PTPRR: variants seen among roughly 807,000 people sequenced by gnomAD.
The protein encoded by PTPRR is protein tyrosine phosphatase receptor type R.
PTPRR carries 38 observed loss-of-function variants against 77.2 expected under a neutral mutation model. That is an observed-to-expected ratio of 0.49 (90% CI 0.38 to 0.65). PTPRR has a LOEUF of 0.65. Ranked by LOEUF, PTPRR falls within the 30% of genes least tolerant of loss-of-function variation. The probability of loss-of-function intolerance (pLI) is 0.00; values close to 1 mark genes in which losing one functional copy is unlikely to be tolerated. For synonymous variants in PTPRR, 299 were observed against 283.1 expected (o/e 1.06, Z -0.57); for missense variants, 744 against 799.2 (o/e 0.93, Z 0.83).
intron 2 of PTPRR, among the ~76,000 whole-genome samples, chr12:70,888,811 C>G (rs1157501770): frequency 6.6e-6 from 1 of 151,986 alleles, no homozygotes; most frequent in Non-Finnish European, 1.5e-5. Flanking sequence ...TCAACACAGA[C>G]CTATTGTCCC....
At chr12:70,691,408 A>T (rs1888052417) in intron 8 of PTPRR, among the ~76,000 whole-genome samples, 1 of 151,952 alleles carries the variant, frequency 6.6e-6, no homozygotes, top group Non-Finnish European at 1.5e-5. Flanking sequence ...TGCTCATTTA[A>T]TCTGCCCCTT....
chr12:70,890,654 C>T lies in PTPRR; in HGVS notation c.357+2025G>A, dbSNP rs185397767. Among the ~76,000 whole-genome samples, 274 of 152,202 alleles carry T rather than the reference C, an allele frequency of 1.8e-3. 1 individual carries two copies. The highest frequency in any genetic ancestry group is 6.4e-3 in the African/African-American group (265 of 41,558). On this transcript the variant is annotated intron_variant, in intron 2 of 13. Coordinates refer to ENST00000283228, the MANE Select transcript of PTPRR (RefSeq NM_002849.4). ...CAGTTCAAGACACTGATAGTCAGAA[C>T]ATGGTCTATTTGAGTATAAATTAAG...
intron 2 of PTPRR, among the ~76,000 whole-genome samples, chr12:70,786,186 C>A (rs1277805862): frequency 6.6e-6 from 1 of 152,168 alleles, no homozygotes; most frequent in African/African-American, 2.4e-5. Context: ...AAACTCTAAT[C>A]ATCACAGCCC....
intron 3 of PTPRR, among the ~76,000 whole-genome samples, chr12:70,762,544 A>G (rs747794884): frequency 2.0e-5 from 3 of 152,228 alleles, no homozygotes; most frequent in Non-Finnish European, 2.9e-5. Flanking sequence ...ACAACAGACA[A>G]TAACTAAATA....
chr12:70,663,911 C>T (rs1457736472), intron 10 of PTPRR, among the ~76,000 whole-genome samples: 2 of 152,016 alleles, frequency 1.3e-5, no homozygotes, highest in African/African-American at 4.8e-5. Flanking sequence ...AATTTAAATA[C>T]TTATAGATTT....
At chr12:70,748,977 C>A (rs188346827) in intron 5 of PTPRR, among the ~76,000 whole-genome samples, 1 of 152,234 alleles carries the variant, frequency 6.6e-6, no homozygotes, top group Admixed American at 6.5e-5. Flanking sequence ...ATGTTCAGTA[C>A]AAAGTACTAA....
chr12:70,738,280 A>G (rs1330409124), intron 6 of PTPRR, among the ~76,000 whole-genome samples: 1 of 152,188 alleles, frequency 6.6e-6, no homozygotes, highest in East Asian at 1.9e-4. Flanking sequence ...GCTGAAGAAA[A>G]GTTAGTGAAT....
At chr12:70,887,027 T>C (rs1893251062) in intron 2 of PTPRR, among the ~76,000 whole-genome samples, 1 of 152,254 alleles carries the variant, frequency 6.6e-6, no homozygotes, top group Non-Finnish European at 1.5e-5. Flanking sequence ...AGTGTCACCC[T>C]GGCTAGGTGT....
At chr12:70,804,402 T>C (rs1007343035) in intron 2 of PTPRR, among the ~76,000 whole-genome samples, 4 of 151,710 alleles carry the variant, frequency 2.6e-5, no homozygotes, top group African/African-American at 2.4e-5. Context: ...CCAAAAAATA[T>C]ATAAAAATTA....
intron 6 of PTPRR, among the ~76,000 whole-genome samples, chr12:70,720,641 A>C (rs966400530): frequency 9.2e-5 from 14 of 151,614 alleles, no homozygotes; most frequent in African/African-American, 3.1e-4. Context: ...TCTCCAGAGT[A>C]GCTGGCTAAT....
chr12:70,884,593 C>T (rs924701841), intron 2 of PTPRR, among the ~76,000 whole-genome samples: 2 of 151,888 alleles, frequency 1.3e-5, no homozygotes, highest in East Asian at 1.9e-4. Flanking sequence ...TTTTGCCAGG[C>T]GCGGTGGCTC....
chr12:70,817,068 G>C (rs1220932416), intron 2 of PTPRR, among the ~76,000 whole-genome samples: 3 of 151,890 alleles, frequency 2.0e-5, no homozygotes, highest in Admixed American at 6.6e-5. Flanking sequence ...TAAATAGATG[G>C]GTGAACAAAT....
intron 2 of PTPRR, among the ~76,000 whole-genome samples, chr12:70,806,395 A>G (rs1407460050): frequency 6.6e-6 from 1 of 152,182 alleles, no homozygotes; most frequent in Non-Finnish European, 1.5e-5. Flanking sequence ...ATATTGGCAT[A>G]TATACAAGAT....
chr12:70,875,566 T>C (rs1239769223), intron 2 of PTPRR, among the ~76,000 whole-genome samples: 3 of 151,008 alleles, frequency 2.0e-5, no homozygotes, highest in Non-Finnish European at 4.4e-5. Context: ...GAAGTTTATC[T>C]ACATATAAAG....
intron 2 of PTPRR, among the ~76,000 whole-genome samples, chr12:70,827,548 CTTTT>C (rs35574548): frequency 2.5e-4 from 26 of 105,486 alleles, no homozygotes; most frequent in African/African-American, 1.0e-3. Flanking sequence ...TTCTTTCTTT[CTTTT>C]TTTTTTTCTT....
At chr12:70,649,887 T>C (rs1182345141) in intron 13 of PTPRR, among the ~76,000 whole-genome samples, 1 of 152,124 alleles carries the variant, frequency 6.6e-6, no homozygotes, top group Non-Finnish European at 1.5e-5. Context: ...TTCCTCTTTT[T>C]AGGGGTCCAG....
intron 2 of PTPRR, among the ~76,000 whole-genome samples, chr12:70,768,455 C>G (rs927127290): frequency 4.6e-5 from 7 of 152,258 alleles, no homozygotes; most frequent in East Asian, 1.9e-4. Context: ...CAAGACTAAA[C>G]CAGGAAGAAG....
At chr12:70,793,694 T>C (rs1356659924) in intron 2 of PTPRR, among the ~76,000 whole-genome samples, 2 of 152,220 alleles carry the variant, frequency 1.3e-5, no homozygotes, top group Non-Finnish European at 2.9e-5. Flanking sequence ...GAGGGTAATT[T>C]TGTGAGAGGT....
intron 8 of PTPRR, among the ~76,000 whole-genome samples, chr12:70,689,928 C>T (rs904323789): frequency 6.6e-6 from 1 of 152,194 alleles, no homozygotes; most frequent in Non-Finnish European, 1.5e-5. Context: ...TTAAGACTTC[C>T]CTTCTTACCA....
Sources: gnomAD v4.1 joint callset for allele counts (sites outside exome capture counted in the v4.1 genomes callset) on GRCh38, gnomAD v4.1.1 for gene constraint, MANE v1.5 for transcripts, NCBI Gene and HGNC (gene_info 2026-07-23, HGNC 2026-07-21) for gene names.